The following MSI2 variants were observed in gnomAD, a reference collection of about 807,000 sequenced individuals.
MSI2 encodes RNA-binding protein Musashi homolog 2.
A neutral mutation model predicts 45.6 loss-of-function variants in MSI2; 17 were observed. That is an observed-to-expected ratio of 0.37 (90% CI 0.26 to 0.56). The LOEUF is 0.56. Among genes scored for constraint, MSI2 ranks in the 20% least tolerant of loss-of-function variants. The pLI, the probability that MSI2 is intolerant of heterozygous loss-of-function variation, is 0.77. For synonymous variants in MSI2, 156 were observed against 158.2 expected, an observed-to-expected ratio of 0.99 and a Z score of 0.11; for missense variants, 293 against 444.2, an observed-to-expected ratio of 0.66 and a Z score of 3.06.
intron 5 of MSI2, among the ~76,000 whole-genome samples, chr17:57,365,654 G>A (rs770646838): frequency 1.2e-4 from 18 of 152,128 alleles, no homozygotes; most frequent in Non-Finnish European, 1.8e-4. Flanking sequence ...GTGAGCTCAC[G>A]GCTCAGTGTA....
chr17:57,359,524 T>C (rs970206662), intron 5 of MSI2, among the ~76,000 whole-genome samples: 2 of 152,152 alleles, frequency 1.3e-5, no homozygotes, highest in Admixed American at 6.5e-5. Flanking sequence ...CCTGCCAAGG[T>C]TGTCTGAGTG....
At chr17:57,359,630 C>T (rs755719038) in intron 5 of MSI2, among the ~76,000 whole-genome samples, 12 of 152,210 alleles carry the variant, frequency 7.9e-5, no homozygotes, top group Non-Finnish European at 1.3e-4. Flanking sequence ...CATCCAGTGG[C>T]TGAGGTCAAG....
chr17:57,475,110 C>G (rs948768472), intron 6 of MSI2, among the ~76,000 whole-genome samples: 1 of 152,196 alleles, frequency 6.6e-6, no homozygotes, highest in African/African-American at 2.4e-5. Context: ...AACAGATATG[C>G]AGTAACTGTG....
At chr17:57,398,289 G>C (rs1232249977) in intron 5 of MSI2, among the ~76,000 whole-genome samples, 2 of 152,200 alleles carry the variant, frequency 1.3e-5, no homozygotes, top group Non-Finnish European at 2.9e-5. Flanking sequence ...GTATAAATGA[G>C]ACCATGGGGT....
At chr17:57,365,980 T>C (rs184000843) in intron 5 of MSI2, among the ~76,000 whole-genome samples, 1 of 152,220 alleles carries the variant, frequency 6.6e-6, no homozygotes, top group East Asian at 1.9e-4. Flanking sequence ...GGGTGTGATA[T>C]CGACTCACTG....
chr17:57,346,807 A>G (rs991153550), intron 5 of MSI2, among the ~76,000 whole-genome samples: 2 of 152,076 alleles, frequency 1.3e-5, no homozygotes, highest in East Asian at 1.9e-4. Flanking sequence ...GGGTTTTGCC[A>G]TGTTGTCCAG....
At chr17:57,469,025 G>A (rs1003409569) in intron 6 of MSI2, among the ~76,000 whole-genome samples, 2 of 152,164 alleles carry the variant, frequency 1.3e-5, no homozygotes, top group African/African-American at 4.8e-5. Flanking sequence ...CAGGCTGCCC[G>A]ATACCAGCTC....
intron 6 of MSI2, among the ~76,000 whole-genome samples, chr17:57,409,768 G>A (rs937888660): frequency 6.6e-6 from 1 of 152,088 alleles, no homozygotes; most frequent in Non-Finnish European, 1.5e-5. Flanking sequence ...CAGCACTTTG[G>A]GGGGCCAAGG....
At chr17:57,485,024 T>C (rs1433679814) in intron 6 of MSI2, among the ~76,000 whole-genome samples, 1 of 152,212 alleles carries the variant, frequency 6.6e-6, no homozygotes. Context: ...CAGATTCATA[T>C]CTTTTCTGTT....
chr17:57,699,148 GGA>G, the MSI2 span, among the ~76,000 whole-genome samples: 17 of 21,174 alleles, frequency 8.0e-4, 2 homozygotes, highest in Middle Eastern at 0.038. Context: ...GAAGAGGCGA[GGA>G]GAGAGAGAGA....
chr17:57,582,145 A>G (rs915093105), intron 7 of MSI2, among the ~76,000 whole-genome samples: 5 of 152,162 alleles, frequency 3.3e-5, no homozygotes, highest in African/African-American at 1.2e-4. Context: ...GCAGTCACTG[A>G]AGGTCCCTGT....
At chr17:57,522,283 G>A (rs1297946137) in intron 6 of MSI2, 1 of 152,214 alleles carries the variant, frequency 6.6e-6, no homozygotes, top group Non-Finnish European at 1.5e-5. Context: ...AACACTTGGA[G>A]CGTTTGAGTG....
chr17:57,547,169 G>A (rs1426758323), intron 7 of MSI2, among the ~76,000 whole-genome samples: 1 of 152,204 alleles, frequency 6.6e-6, no homozygotes. Context: ...TGATTGATGT[G>A]TTGGTAGGAC....
intron 5 of MSI2, among the ~76,000 whole-genome samples, chr17:57,353,669 T>C (rs1916208465): frequency 6.6e-6 from 1 of 152,192 alleles, no homozygotes; most frequent in Admixed American, 6.5e-5. Context: ...ATTTAAGAGC[T>C]TCCAGTACCA....
At chr17:57,335,447 C>T (rs182258437) in intron 5 of MSI2, among the ~76,000 whole-genome samples, 58 of 152,272 alleles carry the variant, frequency 3.8e-4, no homozygotes, top group African/African-American at 1.3e-3. Flanking sequence ...CATTTGTTTA[C>T]GTATGGCCTA....
At position 57,473,970 on chromosome 17, in the gene MSI2, G is replaced by GT. The variant is rs916232295; in HGVS notation, c.406-55699dup. 2.6e-5 allele frequency among the ~76,000 whole-genome samples: 4 copies of GT among 152,248 alleles called. No individual in the cohort carries two copies. In the East Asian group the frequency reaches 7.7e-4, roughly 29 times the overall value. ...GACCCAGACTTATTATGATTTTGCTGTTTTTTTCGGTTTTGTTTTTCCTTC... is the reference window on the plus strand; with the variant it reads ...GACCCAGACTTATTATGATTTTGCTGTTTTTTTTCGGTTTTGTTTTTCCTTC... On this transcript the variant is annotated intron_variant, in intron 6 of 13. Coordinates refer to ENST00000284073, the MANE Select transcript of MSI2 (RefSeq NM_138962.4).
chr17:57,263,699 T>C (rs545507079), intron 5 of MSI2: 1 of 152,350 alleles, frequency 6.6e-6, no homozygotes, highest in African/African-American at 2.4e-5. Flanking sequence ...TCCTTAACTT[T>C]GTTTTTAAAT....
At chr17:57,336,101 G>A (rs757316954) in intron 5 of MSI2, among the ~76,000 whole-genome samples, 54 of 152,214 alleles carry the variant, frequency 3.5e-4, no homozygotes, top group Admixed American at 2.0e-4. Context: ...CACGGGTAAC[G>A]GTGAAGAGGG....
At chr17:57,599,193 C>G (rs1290229517) in intron 8 of MSI2, among the ~76,000 whole-genome samples, 1 of 152,218 alleles carries the variant, frequency 6.6e-6, no homozygotes, top group Non-Finnish European at 1.5e-5. Context: ...CTCCATTTGT[C>G]ACCTTGAATG....
Sources: allele counts gnomAD v4.1 joint callset (sites outside exome capture counted in the v4.1 genomes callset), GRCh38; gene constraint gnomAD v4.1.1; transcripts MANE v1.5; gene names NCBI Gene and HGNC (gene_info 2026-07-23, HGNC 2026-07-21).